The following P4HB variants were observed in gnomAD, a reference collection of about 807,000 sequenced individuals.
P4HB encodes prolyl 4-hydroxylase subunit beta.
A neutral mutation model predicts 52.6 loss-of-function variants in P4HB; 20 were observed. That is an observed-to-expected ratio of 0.38 (90% CI 0.27 to 0.55). P4HB has a LOEUF of 0.55. Among genes scored for constraint, P4HB ranks in the 20% least tolerant of loss-of-function variants. The pLI is 0.74. For synonymous variants in P4HB, 296 were observed against 277.9 expected (o/e 1.07, Z -0.65); for missense variants, 601 against 669.2 (o/e 0.90, Z 1.12).
At chr17:81,850,655 G>T (rs1015179573) in intron 4 of P4HB, among the ~76,000 whole-genome samples, 1 of 150,396 alleles carries the variant, frequency 6.6e-6, no homozygotes, top group Non-Finnish European at 1.5e-5. Context: ...GGCAAATTTT[G>T]TATTTTTATT....
At position 81,848,104 on chromosome 17, in the gene P4HB, G is replaced by A. The variant is rs554860516; in HGVS notation, c.625-757C>T. On this transcript the variant is annotated intron_variant, in intron 4 of 10. Coordinates refer to ENST00000331483, the MANE Select transcript of P4HB (RefSeq NM_000918.4). ...TTTTAGTAGAGATGGGTTTCACCACGTTAGCCAGGATGGTCTCAATCTCCT... is the reference window on the plus strand; with the variant it reads ...TTTTAGTAGAGATGGGTTTCACCACATTAGCCAGGATGGTCTCAATCTCCT... Among the ~76,000 whole-genome samples the A allele has an allele frequency of 1.4e-4, 22 of 152,250 alleles. No homozygotes were observed. The East Asian group carries it at 4.1e-3, about 28-fold the overall frequency.
rs751143831 is a variant in P4HB at position 81,855,298 on chromosome 17, G to A, written c.487-19C>T. 4 of 1,613,586 alleles carry A rather than the reference G, an allele frequency of 2.5e-6. No homozygotes were observed. Among genetic ancestry groups the A allele is most frequent in the South Asian group, 2.2e-5 (2 of 91,070 alleles). ...CCACGTCCTGAATGAGGAGGGAGAA[G>A]CAGAGGTCGTCATGATCCCGCAGCA... On this transcript the variant is annotated intron_variant, in intron 3 of 10. Coordinates refer to ENST00000331483, the MANE Select transcript of P4HB (RefSeq NM_000918.4). The surrounding 1 kb of genome is among the most constrained non-coding windows in gnomAD (Gnocchi z 4.3).
chr17:81,845,369 A>G (rs2038717843), intron 9 of P4HB, 139 bp from the exon 10 acceptor site: 12 of 879,086 alleles, frequency 1.4e-5, no homozygotes, highest in Non-Finnish European at 2.2e-5. Context: ...TTGGGAGTTC[A>G]AAAACAGCCT....
intron 10 of P4HB, 109 bp downstream of exon 10, chr17:81,845,035 G>C: frequency 1.1e-6 from 1 of 905,140 alleles, no homozygotes; most frequent in Non-Finnish European, 1.7e-6. Context: ...ACGCACAGAC[G>C]TGCCTCCAAT....
chr17:81,845,618 G>T lies in P4HB; in HGVS notation c.1302C>A (p.Ala434=), dbSNP rs199614682. Residue 434 remains alanine (A), a synonymous_variant, in exon 9 of 11, where the codon GCC becomes GCA. Transcript: ENST00000331483. Reference sequence around the variant, plus strand: ...GTGTGGGGAAGCTGTGCACTTTGACGGCCTCCACCTCGTTGGCAGTCGAGT... The same window carrying T: ...GTGTGGGGAAGCTGTGCACTTTGACTGCCTCCACCTCGTTGGCAGTCGAGT... ...KMDSTANEVE[A]VKVHSFPTLK... 6.2e-7 allele frequency: 1 copy of T among 1,612,696 alleles called. No homozygotes were observed.
rs139540831 is a variant in P4HB at position 81,859,213 on chromosome 17, T to C, written c.320A>G (p.Asn107Ser). The C allele has an allele frequency of 2.4e-5, 38 of 1,613,836 alleles. No homozygotes were observed. The African/African-American group carries it at 4.9e-4, about 21-fold the overall frequency. Residue 107 changes from asparagine to serine, a missense_variant, in exon 2 of 11, where the codon AAT becomes AGT. By Grantham distance (46) the Asn-to-Ser change is conservative. Transcript: ENST00000331483. ...TTCCTTGGGGGAAGCCGTGTCTCCA[T>C]TCCTGAAGAACTTGATGGTGGGATA... ...RGYPTIKFFR[N>S]GDTASPKEYT...
chr17:81,847,318 C>G lies in P4HB; in HGVS notation c.654G>C (p.Gly218=). 6.2e-7 allele frequency: 1 copy of G among 1,614,156 alleles called. No homozygotes were observed. Among genetic ancestry groups the G allele is most frequent in the South Asian group, 1.1e-5 (1 of 91,082 alleles). ...KFDEGRNNFE[G]EVTKENLLDF... Reference sequence around the variant, plus strand: ...CCAGCAGGTTCTCCTTGGTGACCTCCCCTTCAAAGTTGTTCCGGCCTTCAT... The same window carrying G: ...CCAGCAGGTTCTCCTTGGTGACCTCGCCTTCAAAGTTGTTCCGGCCTTCAT... Residue 218 remains glycine, a synonymous_variant, in exon 5 of 11, where the codon GGG becomes GGC. Coordinates refer to ENST00000331483, the MANE Select transcript of P4HB (RefSeq NM_000918.4).
In P4HB at chr17:81,860,337, C is replaced by T. The variant is rs2038979828; in HGVS notation, c.135G>A (p.Leu45=). 1 of 1,469,046 alleles carries T rather than the reference C, an allele frequency of 6.8e-7. No individual in the cohort carries two copies. Among genetic ancestry groups the T allele is most frequent in the Non-Finnish European group, 9.0e-7 (1 of 1,108,840 alleles). The allele number at this position is 1,469,046 out of a possible 1,614,324, so 91.0% of individuals were successfully genotyped here. A position where few individuals can be genotyped will look rare whatever the true frequency, so the allele number is the denominator to read the frequency against. Residue 45 remains leucine, a synonymous_variant, in exon 1 of 11, where the codon CTG becomes CTA. Coordinates refer to ENST00000331483, the MANE Select transcript of P4HB (RefSeq NM_000918.4). ...AGGCCCGGCGCTCACAGAACTCCAC[C>T]AGCAGGTACTTGTGGGCCGCCAGCG... ...AEALAAHKYL[L]VEFYAPWCGH...
At chr17:81,857,699 GAC>G (rs2038933008) in intron 2 of P4HB, among the ~76,000 whole-genome samples, 1 of 152,164 alleles carries the variant, frequency 6.6e-6, no homozygotes, top group Non-Finnish European at 1.5e-5. Context: ...GGAAGAAGAT[GAC>G]ACACTTTTAT....
chr17:81,855,481 C>T lies in P4HB; in HGVS notation c.458G>A (p.Ser153Asn). 6.2e-7 allele frequency: 1 copy of T among 1,613,650 alleles called. No individual in the cohort carries two copies. Among genetic ancestry groups the T allele is most frequent in the Non-Finnish European group, 8.5e-7 (1 of 1,179,812 alleles). The change falls in exon 3 of 11, where the codon AGC becomes AAC. Residue 153 changes from serine to asparagine, a missense_variant. By Grantham distance (46) the Ser-to-Asn change is conservative. Transcript: ENST00000331483. This position sits in a 1 kb window ranked among gnomAD's most constrained non-coding sequence, Gnocchi z 4.3. ...GAAGAAGCCGATGACAGCCACCTCG[C>T]TGGACTCCACCAAGGACTCTGCAGC... ...GAAAESLVES[S>N]EVAVIGFFKD...
chr17:81,845,461 T>C lies in P4HB; in HGVS notation c.1359+100A>G, dbSNP rs982588398. On this transcript the variant is annotated intron_variant, in intron 9 of 10. Coordinates refer to ENST00000331483, the MANE Select transcript of P4HB (RefSeq NM_000918.4). ...GAGCTCCCACAGCTCTTCTCCCACCTGACTAGCCCCAGGCTCCTTCCAGAG... is the reference window on the plus strand; with the variant it reads ...GAGCTCCCACAGCTCTTCTCCCACCCGACTAGCCCCAGGCTCCTTCCAGAG... 4.9e-6 allele frequency: 6 copies of C among 1,223,118 alleles called. No homozygotes were observed. In the African/African-American group the frequency reaches 9.1e-5, roughly 19 times the overall value. 75.8% of individuals were successfully genotyped at this position (1,223,118 alleles called of 1,614,324 possible).
intron 1 of P4HB, 89 bp downstream of exon 1, chr17:81,860,238 G>C (rs113941441): frequency 2.6e-6 from 3 of 1,142,592 alleles, no homozygotes; most frequent in African/African-American, 1.6e-5. Flanking sequence ...CGGGGGTCCC[G>C]ACCCCGGGGG....
In P4HB at chr17:81,847,263, C is replaced by G; in HGVS notation, c.709G>C (p.Val237Leu). The G allele has an allele frequency of 6.2e-7, 1 of 1,614,122 alleles. No homozygotes were observed. Among genetic ancestry groups the G allele is most frequent in the Non-Finnish European group, 8.5e-7 (1 of 1,180,028 alleles). Reference protein sequence around the residue: ...DFIKHNQLPLVIEFTEQTAPK... With the variant: ...DFIKHNQLPLLIEFTEQTAPK... ...CGCACCTGCTCGGTGAACTCGATGA[C>G]AAGGGGCAGCTGGTTGTGTTTGATA... The change falls in exon 5 of 11, where the codon GTC becomes CTC. Residue 237 changes from valine (V) to leucine (L), a missense_variant. Physicochemically the swap from Val to Leu is conservative, Grantham distance 32 (BLOSUM62 1). Transcript: ENST00000331483.
At chr17:81,844,562 C>T (rs551845755) in intron 10 of P4HB, among the ~76,000 whole-genome samples, 2 of 152,298 alleles carry the variant, frequency 1.3e-5, no homozygotes, top group African/African-American at 4.8e-5. Flanking sequence ...GCCCTCCATC[C>T]CCAGCCTGGG....
chr17:81,854,504 C>T (rs965887052), intron 4 of P4HB, among the ~76,000 whole-genome samples: 10 of 146,536 alleles, frequency 6.8e-5, no homozygotes, highest in Admixed American at 4.8e-4. Context: ...AATGCACCAC[C>T]GCACTCCAGC....
chr17:81,860,297 C>CCCCG (rs1478375418), intron 1 of P4HB, 30 bp downstream of exon 1: 3 of 1,412,810 alleles, frequency 2.1e-6, no homozygotes, highest in Admixed American at 5.8e-5. Flanking sequence ...CGGCCCCGAG[C>CCCCG]CCCGCCCGCC....
At position 81,852,510 on chromosome 17, in the gene P4HB, C is replaced by G. The variant is rs185036589; in HGVS notation, c.624+2632G>C. Among the ~76,000 whole-genome samples the G allele has an allele frequency of 8.1e-4, 123 of 152,366 alleles. 1 individual carries two copies. Among genetic ancestry groups the G allele is most frequent in the Admixed American group, 2.8e-3 (43 of 15,310 alleles). On this transcript the variant is annotated intron_variant, in intron 4 of 10. Transcript: ENST00000331483. ...GCTCTGACTTCCAGGGCAGCCCCTA[C>G]CACGTGCACCGGACAGGGGGCCGGG... is the stretch of plus-strand genomic sequence containing the variant.
intron 2 of P4HB, among the ~76,000 whole-genome samples, chr17:81,856,899 C>T (rs910779111): frequency 6.6e-6 from 1 of 152,132 alleles, no homozygotes; most frequent in Non-Finnish European, 1.5e-5. Context: ...CCGCCCGCCT[C>T]GGCCTCCCAA....
intron 4 of P4HB, among the ~76,000 whole-genome samples, chr17:81,851,829 T>C (rs1021738807): frequency 1.3e-5 from 2 of 152,158 alleles, no homozygotes; most frequent in Non-Finnish European, 2.9e-5. Flanking sequence ...CTGGTCCACT[T>C]AGCAGGGCAC....
Sources: gnomAD v4.1 joint callset for allele counts (sites outside exome capture counted in the v4.1 genomes callset) on GRCh38, gnomAD v4.1.1 for gene constraint, Gnocchi (gnomAD v3.1) non-coding constraint, MANE v1.5 for transcripts, NCBI Gene and HGNC (gene_info 2026-07-23, HGNC 2026-07-21) for gene names.